The following GFPT2 variants were observed in gnomAD, a reference collection of about 807,000 sequenced individuals.
GFPT2 encodes the protein glutamine--fructose-6-phosphate transaminase 2.
Under a neutral mutation model 85.6 loss-of-function variants are expected in GFPT2, and 62 were observed. The observed-to-expected ratio is 0.72, with a 90% confidence interval of 0.59 to 0.90. The LOEUF (loss-of-function observed/expected upper bound fraction) is 0.90. GFPT2 is among the 40% of genes least tolerant of loss of function. GFPT2 has a pLI of 0.00. For synonymous variants in GFPT2, 368 were observed against 344.5 expected, an observed-to-expected ratio of 1.07 and a Z score of -0.75; for missense variants, 788 against 893.4, an observed-to-expected ratio of 0.88 and a Z score of 1.50.
chr5:180,348,681 T>C (rs919110379), intron 1 of GFPT2, among the ~76,000 whole-genome samples: 3 of 151,856 alleles, frequency 2.0e-5, no homozygotes, highest in Non-Finnish European at 4.4e-5. Flanking sequence ...TTGGAATCCA[T>C]GAGATAATAG....
Position 180,318,645 on chromosome 5 carries a change from C to A in GFPT2, c.958+148G>T. On this transcript the variant is annotated intron_variant, in intron 10 of 18. Transcript: ENST00000253778. The surrounding 1 kb of genome is among the most constrained non-coding windows in gnomAD (Gnocchi z 4.2). ...GCCTCCCCACATCCCCTCACCTGTGCAAGCCACAGGCTACCTGCAGCCCCG... is the reference window on the plus strand; with the variant it reads ...GCCTCCCCACATCCCCTCACCTGTGAAAGCCACAGGCTACCTGCAGCCCCG... 1 of 676,882 alleles carries A rather than the reference C, an allele frequency of 1.5e-6. No individual in the cohort carries two copies. Among genetic ancestry groups the A allele is most frequent in the South Asian group, 1.8e-5 (1 of 54,788 alleles). The allele number at this position is 676,882 out of a possible 1,614,324, so 41.9% of individuals were successfully genotyped here.
Position 180,331,781 on chromosome 5 carries a change from G to C in GFPT2, c.341-228C>G, listed in dbSNP as rs578116726. The C allele has an allele frequency of 7.0e-5, 38 of 540,270 alleles. No homozygotes were observed. In the African/African-American group the frequency reaches 7.1e-4, roughly 10 times the overall value. 33.5% of individuals were successfully genotyped at this position (540,270 alleles called of 1,614,324 possible). On this transcript the variant is annotated intron_variant, in intron 4 of 18. Transcript: ENST00000253778. Reference sequence around the variant, plus strand: ...GGCAGCGGCTACTACAATGGGATCCGGAGGAAATACACATCCCTCTTTCAG... The same window carrying C: ...GGCAGCGGCTACTACAATGGGATCCCGAGGAAATACACATCCCTCTTTCAG...
chr5:180,307,265 G>C lies in GFPT2; in HGVS notation c.1585C>G (p.His529Asp). ...KEVLSLEEKIHDLALELYTQR... is the reference protein window; with the variant it reads ...KEVLSLEEKIDDLALELYTQR... ...GTGTAGAGCTCCAGGGCCAAGTCGTGGATCTTCTCCTCCAGAGACAGCACT... is the reference window on the plus strand; with the variant it reads ...GTGTAGAGCTCCAGGGCCAAGTCGTCGATCTTCTCCTCCAGAGACAGCACT... Residue 529 changes from histidine to aspartate, a missense_variant, in exon 16 of 19, where the codon CAC becomes GAC. His to Asp is a moderately conservative substitution (Grantham distance 81). Transcript: ENST00000253778. The C allele has an allele frequency of 6.2e-7, 1 of 1,602,254 alleles. No individual in the cohort carries two copies. The highest frequency in any genetic ancestry group is 8.5e-7 in the Non-Finnish European group (1 of 1,174,790).
Position 180,307,860 on chromosome 5 carries a change from C to T in GFPT2, c.1547-557G>A, listed in dbSNP as rs1050464996. Reference sequence around the variant, plus strand: ...AGGCGTGGTGGCTCACGCCTGTAATCGCCGCACTTTGGGAGGCCGAGGCGG... The same window carrying T: ...AGGCGTGGTGGCTCACGCCTGTAATTGCCGCACTTTGGGAGGCCGAGGCGG... On this transcript the variant is annotated intron_variant, in intron 15 of 18. Transcript: ENST00000253778. Among the ~76,000 whole-genome samples, 17 of 152,370 alleles carry T rather than the reference C, an allele frequency of 1.1e-4. 1 individual carries two copies. The highest frequency in any genetic ancestry group is 8.5e-4 in the Admixed American group (13 of 15,308).
chr5:180,304,259 G>A (rs964486691), intron 17 of GFPT2, among the ~76,000 whole-genome samples: 1 of 152,226 alleles, frequency 6.6e-6, no homozygotes, highest in African/African-American at 2.4e-5. Flanking sequence ...CATCTCCTGA[G>A]TTCTATGGGT....
chr5:180,309,482 G>A (rs756220950), intron 15 of GFPT2, among the ~76,000 whole-genome samples: 3 of 152,084 alleles, frequency 2.0e-5, no homozygotes, highest in East Asian at 1.9e-4. Flanking sequence ...GTGCAACGGC[G>A]TGATCTCAGC....
rs1307844757 is a variant in GFPT2 at position 180,340,563 on chromosome 5, G to A, written c.8-1963C>T. 2.8e-5 allele frequency among the ~76,000 whole-genome samples: 4 copies of A among 141,058 alleles called. No individual in the cohort carries two copies. In the East Asian group the frequency reaches 8.6e-4, roughly 30 times the overall value. 92.5% of individuals were successfully genotyped at this position (141,058 alleles called of 152,430 possible). On this transcript the variant is annotated intron_variant, in intron 1 of 18. Coordinates refer to ENST00000253778, the MANE Select transcript of GFPT2 (RefSeq NM_005110.4). ...GTCTAGCTCTGTTGCCCAGGCTGGA[G>A]TGCAGTGGTGCCATCCTGGCTCACT...
At position 180,307,227 on chromosome 5, in the gene GFPT2, C is replaced by T. The variant is rs749566465; in HGVS notation, c.1623G>A (p.Leu541=). The change falls in exon 16 of 19, where the codon CTG becomes CTA. Residue 541 remains leucine, a synonymous_variant. Transcript: ENST00000253778. The part of the protein sequence containing the change: ...LALELYTQRS[L]LVMGRGYNYA... ...AGTTGTAGCCCCGCCCCATCACCAGCAGCGATCTCTGCGTGTAGAGCTCCA... is the reference window on the plus strand; with the variant it reads ...AGTTGTAGCCCCGCCCCATCACCAGTAGCGATCTCTGCGTGTAGAGCTCCA... 1.2e-6 allele frequency: 2 copies of T among 1,612,574 alleles called. No individual in the cohort carries two copies. The highest frequency in any genetic ancestry group is 2.2e-5 in the South Asian group (2 of 90,714).
rs1427665850 is a variant in GFPT2, at chr5:180,331,502, T to G, written c.392A>C (p.Lys131Thr). The change falls in exon 5 of 19, where the codon AAA (lysine) becomes ACA (threonine). Residue 131 changes from lysine (K) to threonine (T), a missense_variant. Coordinates refer to ENST00000253778, the MANE Select transcript of GFPT2 (RefSeq NM_005110.4). ...GIITNYKDLR[K>T]FLESKGYEFE... ...CTAGGGGAAGCATCTTACCAGAAAT[T>G]TCCTCAGATCTTTGTAATTTGTGAT... The G allele has an allele frequency of 1.6e-5, 26 of 1,580,976 alleles. No individual in the cohort carries two copies. Among genetic ancestry groups the G allele is most frequent in the Non-Finnish European group, 2.2e-5 (25 of 1,149,874 alleles).
chr5:180,306,776 G>A (rs1010962203), intron 16 of GFPT2, among the ~76,000 whole-genome samples: 1 of 152,190 alleles, frequency 6.6e-6, no homozygotes, highest in African/African-American at 2.4e-5. Context: ...GTCATCTTGA[G>A]TGAGATACTT....
At chr5:180,349,268 C>T (rs565366187) in intron 1 of GFPT2, among the ~76,000 whole-genome samples, 26 of 152,124 alleles carry the variant, frequency 1.7e-4, no homozygotes, top group Non-Finnish European at 3.4e-4. Context: ...GATTGCCCCA[C>T]TGCATCCCAG....
Position 180,326,070 on chromosome 5 carries a change from A to T in GFPT2, c.597-1175T>A, listed in dbSNP as rs1581379975. On this transcript the variant is annotated intron_variant, in intron 7 of 18. Coordinates refer to ENST00000253778, the MANE Select transcript of GFPT2 (RefSeq NM_005110.4). The stretch of plus-strand genomic sequence containing the variant: ...TAAATAAAAGGATCTCATGATTTAA[A>T]TGATATCCTGATTCCAAAATCTAAT... Among the ~76,000 whole-genome samples the T allele has an allele frequency of 2.0e-5, 3 of 152,190 alleles. No homozygotes were observed. In the South Asian group the frequency reaches 6.2e-4, roughly 32 times the overall value.
In GFPT2 at chr5:180,331,490, CT is replaced by C; in HGVS notation, c.399+4del. The C allele has an allele frequency of 6.5e-7, 1 of 1,549,190 alleles. No individual in the cohort carries two copies. The highest frequency in any genetic ancestry group is 8.9e-7 in the Non-Finnish European group (1 of 1,120,680). ...CTGAGACATCACCTAGGGGAAGCAT[CT>C]TACCAGAAATTTCCTCAGATCTTTG... On this transcript the variant is annotated splice_donor_region_variant and intron_variant, in intron 5 of 18. Coordinates refer to ENST00000253778, the MANE Select transcript of GFPT2 (RefSeq NM_005110.4).
intron 9 of GFPT2, among the ~76,000 whole-genome samples, chr5:180,322,295 CAAA>C (rs778043318): frequency 2.3e-5 from 3 of 131,106 alleles, no homozygotes; most frequent in African/African-American, 2.8e-5. Context: ...GACCCTGTCT[CAAA>C]AAAAAAAAAA....
intron 15 of GFPT2, among the ~76,000 whole-genome samples, chr5:180,309,029 C>T (rs1463221619): frequency 6.6e-6 from 1 of 151,944 alleles, no homozygotes; most frequent in East Asian, 1.9e-4. Flanking sequence ...GCCACTGCAC[C>T]CAGCTAAATT....
chr5:180,325,301 T>C (rs1014203721), intron 7 of GFPT2, among the ~76,000 whole-genome samples: 3 of 152,106 alleles, frequency 2.0e-5, no homozygotes, highest in Non-Finnish European at 4.4e-5. Context: ...CCTATAACAA[T>C]AGGGCTCTGC....
intron 13 of GFPT2, 33 bp from the exon 14 acceptor site, chr5:180,313,997 C>G: frequency 6.4e-7 from 1 of 1,557,422 alleles, no homozygotes; most frequent in Non-Finnish European, 8.6e-7. Context: ...GTGCCGCGCT[C>G]CGCCAGCCTC....
intron 15 of GFPT2, among the ~76,000 whole-genome samples, chr5:180,309,131 C>A (rs1282006426): frequency 6.6e-6 from 1 of 152,060 alleles, no homozygotes; most frequent in East Asian, 1.9e-4. Flanking sequence ...CTCGGCCTCC[C>A]AAAGTGCTGG....
intron 1 of GFPT2, among the ~76,000 whole-genome samples, chr5:180,349,973 T>G (rs778661120): frequency 1.3e-5 from 2 of 152,004 alleles, no homozygotes; most frequent in Admixed American, 1.3e-4. Context: ...AAATCCTTCC[T>G]GCCAAATCCC....
Sources: gnomAD v4.1 joint callset for allele counts (sites outside exome capture counted in the v4.1 genomes callset) on GRCh38, gnomAD v4.1.1 for gene constraint, Gnocchi (gnomAD v3.1) non-coding constraint, MANE v1.5 for transcripts, NCBI Gene and HGNC (gene_info 2026-07-23, HGNC 2026-07-21) for gene names.